Variants in GRIN2A observed in about 807,000 individuals in gnomAD.
GRIN2A encodes glutamate ionotropic receptor NMDA type subunit 2A.
A neutral mutation model predicts 113.4 loss-of-function variants in GRIN2A; 22 were observed. The observed-to-expected ratio is 0.19, with a 90% CI of 0.14 to 0.28. The LOEUF is 0.28. Ranked by LOEUF, GRIN2A falls within the 10% of genes least tolerant of loss-of-function variation. GRIN2A has a pLI of 1.00. For synonymous variants in GRIN2A, 827 were observed against 738.4 expected (o/e 1.12, Z -1.94); for missense variants, 1,502 against 1,887.0 (o/e 0.80, Z 3.78).
intron 2 of GRIN2A, among the ~76,000 whole-genome samples, chr16:10,114,985 C>A (rs2048701424): frequency 1.3e-5 from 2 of 152,266 alleles, no homozygotes; most frequent in South Asian, 2.1e-4. Context: ...CACGTCCCCA[C>A]ATGGCATTAA....
At chr16:10,100,358 G>A (rs74993838) in intron 2 of GRIN2A, among the ~76,000 whole-genome samples, 29,468 of 152,208 alleles carry the variant, frequency 0.19, 3,726 homozygotes, top group East Asian at 0.44. Flanking sequence ...GCAAAGGAGA[G>A]TAATTCGAAG....
chr16:9,814,741 C>T (rs2042153618), intron 10 of GRIN2A, among the ~76,000 whole-genome samples: 1 of 152,030 alleles, frequency 6.6e-6, no homozygotes, highest in South Asian at 2.1e-4. Flanking sequence ...CCTTCTTGGC[C>T]GGGTGCGGTG....
chr16:10,055,046 T>TAAAAAAAAAAAAAAAAAAAAAA (rs1567266287), intron 2 of GRIN2A, among the ~76,000 whole-genome samples: 1 of 12,490 alleles, frequency 8.0e-5, no homozygotes, highest in Non-Finnish European at 1.3e-4. Context: ...AGACTCTATC[T>TAAAAAAAAAAAAAAAAAAAAAA]CAAAAAAAAA....
intron 2 of GRIN2A, among the ~76,000 whole-genome samples, chr16:10,081,205 C>T (rs1187879394): frequency 6.6e-6 from 1 of 152,216 alleles, no homozygotes; most frequent in East Asian, 1.9e-4. Context: ...CGCCTTCCCA[C>T]ACTTATTCTA....
intron 2 of GRIN2A, among the ~76,000 whole-genome samples, chr16:10,036,065 A>G (rs966734824): frequency 1.3e-5 from 2 of 152,178 alleles, no homozygotes; most frequent in Non-Finnish European, 2.9e-5. Flanking sequence ...CTTTCTGCCT[A>G]CTGCTTTCAG....
At chr16:9,937,061 C>A (rs535940150) in intron 3 of GRIN2A, among the ~76,000 whole-genome samples, 1 of 150,892 alleles carries the variant, frequency 6.6e-6, no homozygotes, top group African/African-American at 2.5e-5. Context: ...TGTTTAGCTT[C>A]TAATAGGAAG....
At chr16:9,852,639 C>T (rs1296200890) in intron 4 of GRIN2A, among the ~76,000 whole-genome samples, 1 of 152,164 alleles carries the variant, frequency 6.6e-6, no homozygotes, top group Non-Finnish European at 1.5e-5. Flanking sequence ...GCTGCTGTGT[C>T]AACACTGCCC....
chr16:9,859,522 G>A (rs914475896), intron 4 of GRIN2A, among the ~76,000 whole-genome samples: 4 of 150,582 alleles, frequency 2.7e-5, no homozygotes, highest in African/African-American at 9.8e-5. Flanking sequence ...GCCTACCCAC[G>A]CTCACATTAT....
chr16:10,110,468 A>G (rs922396391), intron 2 of GRIN2A, among the ~76,000 whole-genome samples: 1 of 152,254 alleles, frequency 6.6e-6, no homozygotes, highest in Non-Finnish European at 1.5e-5. Context: ...AATATGGAGA[A>G]GCAAGTGGCA....
intron 2 of GRIN2A, among the ~76,000 whole-genome samples, chr16:9,976,442 G>A (rs1018533222): frequency 6.6e-6 from 1 of 152,140 alleles, no homozygotes; most frequent in Non-Finnish European, 1.5e-5. Context: ...CCGGTGTTCT[G>A]ATCCTTTGTT....
intron 2 of GRIN2A, among the ~76,000 whole-genome samples, chr16:10,089,630 C>T (rs1294595320): frequency 1.3e-5 from 2 of 152,090 alleles, no homozygotes; most frequent in African/African-American, 4.8e-5. Flanking sequence ...CTGTTTCAGA[C>T]AGAAGAGGCA....
intron 2 of GRIN2A, among the ~76,000 whole-genome samples, chr16:10,075,973 GA>G (rs1325227157): frequency 1.3e-5 from 2 of 152,168 alleles, no homozygotes; most frequent in African/African-American, 4.8e-5. Flanking sequence ...TAGACAGTGA[GA>G]AAATCCAAAC....
At position 10,083,577 on chromosome 16, in the gene GRIN2A, T is replaced by G. The variant is rs574253008; in HGVS notation, c.414+96421A>C. Among the ~76,000 whole-genome samples, 91 of 152,324 alleles carry G rather than the reference T, an allele frequency of 6.0e-4. 1 individual carries two copies. Among genetic ancestry groups the G allele is most frequent in the East Asian group, 3.9e-4 (2 of 5,184 alleles). On this transcript the variant is annotated intron_variant, in intron 2 of 12. Coordinates refer to ENST00000330684, the MANE Select transcript of GRIN2A (RefSeq NM_001134407.3). Reference sequence around the variant, plus strand: ...TCTTCCCCTGCTACTCCTGTCTGCATCCTGGACTGAACTTACCAAACACGC... The same window carrying G: ...TCTTCCCCTGCTACTCCTGTCTGCAGCCTGGACTGAACTTACCAAACACGC...
At chr16:9,949,710 TG>T (rs2045128326) in intron 2 of GRIN2A, among the ~76,000 whole-genome samples, 1 of 149,334 alleles carries the variant, frequency 6.7e-6, no homozygotes, top group Non-Finnish European at 1.5e-5. Flanking sequence ...GGTGGTTGGA[TG>T]GATGGACGGA....
chr16:10,122,387 G>C (rs887854035), intron 2 of GRIN2A, among the ~76,000 whole-genome samples: 3 of 152,224 alleles, frequency 2.0e-5, no homozygotes, highest in South Asian at 2.1e-4. Flanking sequence ...CTACAAAAGC[G>C]GGGAGGTAGG....
chr16:10,003,764 T>C (rs2046360645), intron 2 of GRIN2A, among the ~76,000 whole-genome samples: 2 of 152,200 alleles, frequency 1.3e-5, no homozygotes, highest in Admixed American at 1.3e-4. Flanking sequence ...AGTGGGCTTA[T>C]GCAGCAAAGA....
intron 2 of GRIN2A, among the ~76,000 whole-genome samples, chr16:9,962,490 CA>C (rs1223617944): frequency 6.6e-6 from 1 of 152,142 alleles, no homozygotes; most frequent in Non-Finnish European, 1.5e-5. Flanking sequence ...GACATTTATG[CA>C]GCCAAAAAAC....
At chr16:9,895,165 G>C (rs1397990223) in intron 3 of GRIN2A, among the ~76,000 whole-genome samples, 3 of 152,210 alleles carry the variant, frequency 2.0e-5, no homozygotes, top group Non-Finnish European at 4.4e-5. Context: ...TGTAAAAATA[G>C]AGATATGGAC....
intron 3 of GRIN2A, among the ~76,000 whole-genome samples, chr16:9,922,655 G>T (rs958862921): frequency 2.0e-5 from 3 of 152,184 alleles, no homozygotes; most frequent in Non-Finnish European, 2.9e-5. Flanking sequence ...AAGATGGACC[G>T]CATGCCTGAG....
Sources: allele counts gnomAD v4.1 joint callset (sites outside exome capture counted in the v4.1 genomes callset), GRCh38; gene constraint gnomAD v4.1.1; transcripts MANE v1.5; gene names NCBI Gene and HGNC (gene_info 2026-07-23, HGNC 2026-07-21).